Variants in SLC4A5 observed in about 807,000 individuals in gnomAD.
SLC4A5 encodes electrogenic sodium bicarbonate cotransporter 4.
In SLC4A5, 96 loss-of-function variants were observed where a neutral mutation model predicts 120.4. That is an observed-to-expected ratio of 0.80 (90% CI 0.68 to 0.94). SLC4A5 has a LOEUF of 0.94. SLC4A5 is among the 40% of genes least tolerant of loss of function. The pLI, the probability that SLC4A5 is intolerant of heterozygous loss-of-function variation, is 0.00. For synonymous variants in SLC4A5, 550 were observed against 571.1 expected, an observed-to-expected ratio of 0.96 and a Z score of 0.53; for missense variants, 1,259 against 1,459.5, an observed-to-expected ratio of 0.86 and a Z score of 2.24.
chr2:74,284,130 G>T (rs554495178), intron 8 of SLC4A5, among the ~76,000 whole-genome samples: 1 of 150,466 alleles, frequency 6.6e-6, no homozygotes, highest in African/African-American at 2.4e-5. Flanking sequence ...TTACAGGCAT[G>T]AGCCACTGTG....
At chr2:74,248,512 C>T in intron 17 of SLC4A5, 26 bp from the exon 18 acceptor site, 1 of 1,612,870 alleles carries the variant, frequency 6.2e-7, no homozygotes, top group Non-Finnish European at 8.5e-7. Flanking sequence ...ATGTGTGGTT[C>T]AGCATAGGAA....
At position 74,233,422 on chromosome 2, in the gene SLC4A5, G is replaced by A. The variant is rs1419706377; in HGVS notation, c.2575C>T (p.Arg859Trp). 4.3e-6 allele frequency: 7 copies of A among 1,614,058 alleles called. No individual in the cohort carries two copies. Among genetic ancestry groups the A allele is most frequent in the Non-Finnish European group, 5.9e-6 (7 of 1,180,038 alleles). Residue 859 changes from arginine (R) to tryptophan (W), a missense_variant, in exon 23 of 31, where the codon CGG becomes TGG. Coordinates refer to ENST00000394019, the Ensembl canonical transcript of SLC4A5. ...CTTACCTTCAGTTTGTTCTCCTTCC[G>A]GTTGACAATGACGGCAGTGATCTGC...
chr2:74,274,930 T>A (rs1671590967), intron 8 of SLC4A5, among the ~76,000 whole-genome samples: 1 of 152,218 alleles, frequency 6.6e-6, no homozygotes, highest in South Asian at 2.1e-4. Context: ...CTTAGGATGA[T>A]CTTTCATCTC....
chr2:74,310,433 GT>G (rs1351488288), intron 6 of SLC4A5, among the ~76,000 whole-genome samples: 7 of 151,984 alleles, frequency 4.6e-5, no homozygotes, highest in African/African-American at 2.4e-5. Flanking sequence ...TTAGCTATAG[GT>G]TTTTTGTAGA....
At position 74,312,826 on chromosome 2, in the gene SLC4A5, G is replaced by A. The variant is rs182377932; in HGVS notation, c.79+2119C>T. ...TGGGCACCTATAGTCCCAGCTACTC[G>A]GGAGGCTGAGGCATGAGAATTGCCT... On this transcript the variant is annotated intron_variant, in intron 6 of 30. Coordinates refer to ENST00000394019, the Ensembl canonical transcript of SLC4A5. 6.9e-3 allele frequency among the ~76,000 whole-genome samples: 1,052 copies of A among 152,128 alleles called. 8 individuals are homozygous for A. Among genetic ancestry groups the A allele is most frequent in the Middle Eastern group, 0.027 (8 of 294 alleles).
chr2:74,340,131 C>A (rs1673592462), intron 2 of SLC4A5, among the ~76,000 whole-genome samples: 1 of 152,128 alleles, frequency 6.6e-6, no homozygotes, highest in Non-Finnish European at 1.5e-5. Flanking sequence ...GGTTGTATTA[C>A]AGAACAATGT....
At chr2:74,262,202 C>T in exon 11 of SLC4A5, 2 of 1,547,604 alleles carry the variant, frequency 1.3e-6, no homozygotes, top group African/African-American at 1.6e-5. Flanking sequence ...TAGACTCGGG[C>T]CAGCACCAGG....
intron 20 of SLC4A5, 75 bp downstream of exon 20, chr2:74,241,919 C>T: frequency 6.8e-7 from 1 of 1,460,872 alleles, no homozygotes; most frequent in Admixed American, 1.8e-5. Context: ...AAGTTGGTCT[C>T]ATTTCCAAAA....
intron 11 of SLC4A5, among the ~76,000 whole-genome samples, chr2:74,261,066 TC>T (rs1187929980): frequency 1.3e-5 from 2 of 152,180 alleles, no homozygotes; most frequent in Non-Finnish European, 2.9e-5. Flanking sequence ...AGTCAGTGTC[TC>T]CTCCTCTCTG....
chr2:74,269,969 C>T (rs751530426), intron 8 of SLC4A5, among the ~76,000 whole-genome samples: 2 of 152,220 alleles, frequency 1.3e-5, no homozygotes, highest in Non-Finnish European at 2.9e-5. Flanking sequence ...ACTATTTGTA[C>T]TGTGTTAGGC....
intron 7 of SLC4A5, among the ~76,000 whole-genome samples, chr2:74,297,355 G>T (rs1407780931): frequency 6.6e-6 from 1 of 152,110 alleles, no homozygotes; most frequent in Non-Finnish European, 1.5e-5. Flanking sequence ...CATGCAGTTT[G>T]CCTAGGACCG....
chr2:74,227,009 G>T, exon 27 of SLC4A5: 2 of 1,614,126 alleles, frequency 1.2e-6, no homozygotes, highest in Non-Finnish European at 1.7e-6. Flanking sequence ...CCAGAGCACC[G>T]CCAGGCAGAG....
chr2:74,224,553 G>A (rs1203792494), intron 28 of SLC4A5, among the ~76,000 whole-genome samples: 2 of 152,202 alleles, frequency 1.3e-5, no homozygotes, highest in African/African-American at 4.8e-5. Flanking sequence ...CCCGCTTGCT[G>A]TGATCACGGC....
At chr2:74,308,102 A>C (rs866531302) in intron 6 of SLC4A5, 3 of 412,236 alleles carry the variant, frequency 7.3e-6, no homozygotes, top group Non-Finnish European at 1.4e-5. Flanking sequence ...CGATCAATGT[A>C]CTGTAGTTTG....
intron 25 of SLC4A5, among the ~76,000 whole-genome samples, chr2:74,228,633 C>A (rs946205034): frequency 5.9e-5 from 9 of 151,612 alleles, no homozygotes; most frequent in East Asian, 1.9e-4. Flanking sequence ...CTCAAAAAAA[C>A]CAAACAAAGC....
At chr2:74,297,392 C>T (rs1231544246) in intron 7 of SLC4A5, among the ~76,000 whole-genome samples, 2 of 152,170 alleles carry the variant, frequency 1.3e-5, no homozygotes, top group African/African-American at 2.4e-5. Flanking sequence ...GAAAGTCCTT[C>T]CTCCCTCATC....
chr2:74,246,984 G>C, intron 19 of SLC4A5, 52 bp downstream of exon 19: 1 of 1,593,624 alleles, frequency 6.3e-7, no homozygotes, highest in Non-Finnish European at 8.6e-7. Context: ...GAAGGATCAG[G>C]GGGCCGGTGG....
At chr2:74,253,510 G>A (rs1172553311) in intron 14 of SLC4A5, among the ~76,000 whole-genome samples, 1 of 152,132 alleles carries the variant, frequency 6.6e-6, no homozygotes, top group Non-Finnish European at 1.5e-5. Flanking sequence ...CGCCCTTGGA[G>A]GCTCAGGCCG....
intron 25 of SLC4A5, among the ~76,000 whole-genome samples, chr2:74,230,811 T>G (rs983373559): frequency 1.3e-5 from 2 of 151,820 alleles, no homozygotes; most frequent in Admixed American, 1.3e-4. Context: ...CTTTTCTTTC[T>G]TTTTTTTGTT....
Sources: allele counts gnomAD v4.1 joint callset (sites outside exome capture counted in the v4.1 genomes callset), GRCh38; gene constraint gnomAD v4.1.1; transcripts MANE v1.5; gene names NCBI Gene and HGNC (gene_info 2026-07-23, HGNC 2026-07-21).